The following PDE7B variants were observed in gnomAD, a reference collection of about 807,000 sequenced individuals.
PDE7B encodes the protein phosphodiesterase 7B.
In PDE7B, 29 loss-of-function variants were observed where a neutral mutation model predicts 56.2. The ratio of observed to expected loss-of-function variants is 0.52; its 90% confidence interval spans 0.38 to 0.70. PDE7B has a LOEUF of 0.70. PDE7B is among the 30% of genes least tolerant of loss of function. The pLI is 0.00. For synonymous variants in PDE7B, 197 were observed against 196.9 expected, an observed-to-expected ratio of 1.00 and a Z score of 0.00; for missense variants, 490 against 565.0, an observed-to-expected ratio of 0.87 and a Z score of 1.35.
chr6:136,063,879 C>G (rs1192452044), intron 2 of PDE7B, among the ~76,000 whole-genome samples: 1 of 152,186 alleles, frequency 6.6e-6, no homozygotes, highest in Non-Finnish European at 1.5e-5. Context: ...CACCTTCTAG[C>G]TTATGCTATA....
intron 2 of PDE7B, among the ~76,000 whole-genome samples, chr6:136,045,598 CA>C (rs1383370113): frequency 6.6e-6 from 1 of 152,082 alleles, no homozygotes; most frequent in Non-Finnish European, 1.5e-5. Context: ...GCCTTGTATG[CA>C]GTTGGAAGGC....
chr6:135,991,694 G>A (rs1469029084), intron 2 of PDE7B, among the ~76,000 whole-genome samples: 3 of 152,222 alleles, frequency 2.0e-5, no homozygotes, highest in Non-Finnish European at 2.9e-5. Flanking sequence ...TTTTAGTCAT[G>A]CATAAAAAAT....
intron 4 of PDE7B, 50 bp from the exon 5 acceptor site, chr6:136,149,037 G>A: frequency 2.4e-6 from 3 of 1,262,164 alleles, no homozygotes; most frequent in Non-Finnish European, 3.5e-6. Context: ...GTAAATGTTT[G>A]AGTCTCCAGT....
chr6:135,854,359 A>G (rs1774987537), intron 1 of PDE7B, among the ~76,000 whole-genome samples: 1 of 152,224 alleles, frequency 6.6e-6, no homozygotes, highest in African/African-American at 2.4e-5. Context: ...TGTAGAAGCT[A>G]AGAGGTAGTC....
chr6:135,900,169 A>T (rs1775974725), intron 1 of PDE7B, among the ~76,000 whole-genome samples: 1 of 151,784 alleles, frequency 6.6e-6, no homozygotes, highest in Non-Finnish European at 1.5e-5. Flanking sequence ...GTTAGCATGA[A>T]GTCTTCTCTT....
intron 2 of PDE7B, among the ~76,000 whole-genome samples, chr6:136,080,862 G>A (rs1353414093): frequency 6.6e-6 from 1 of 152,198 alleles, no homozygotes; most frequent in Non-Finnish European, 1.5e-5. Context: ...CTAGGATGGA[G>A]AGCTGCATGG....
At chr6:136,156,203 T>TGTGTG (rs1778602789) in intron 8 of PDE7B, 1 of 132,770 alleles carries the variant, frequency 7.5e-6, no homozygotes, top group African/African-American at 6.3e-5. Context: ...GTGTGTGTGT[T>TGTGTG]TTCAGAAACA....
intron 2 of PDE7B, among the ~76,000 whole-genome samples, chr6:135,950,794 C>A (rs1774686088): frequency 6.6e-6 from 1 of 152,154 alleles, no homozygotes; most frequent in African/African-American, 2.4e-5. Flanking sequence ...CTGAAAAGTA[C>A]TGTTTTTATG....
At chr6:136,144,773 A>G (rs1778387684) in intron 3 of PDE7B, among the ~76,000 whole-genome samples, 2 of 152,026 alleles carry the variant, frequency 1.3e-5, no homozygotes, top group Admixed American at 1.3e-4. Context: ...TCCTTCAACA[A>G]TTTTTTCTAA....
chr6:136,002,678 C>T (rs1212474429), intron 2 of PDE7B, among the ~76,000 whole-genome samples: 1 of 152,204 alleles, frequency 6.6e-6, no homozygotes, highest in African/African-American at 2.4e-5. Flanking sequence ...GCACCCAATA[C>T]AGGAGCACCC....
At chr6:135,988,376 A>G (rs749123827) in intron 2 of PDE7B, among the ~76,000 whole-genome samples, 12 of 152,198 alleles carry the variant, frequency 7.9e-5, no homozygotes, top group Non-Finnish European at 1.8e-4. Context: ...GCTCTTTAGC[A>G]CTGAGCTCAT....
chr6:135,952,830 T>C (rs777560816), intron 2 of PDE7B, among the ~76,000 whole-genome samples: 1 of 152,140 alleles, frequency 6.6e-6, no homozygotes, highest in Non-Finnish European at 1.5e-5. Flanking sequence ...ACTGTCATCA[T>C]TGGCCCTAAA....
At chr6:136,104,009 C>A (rs937856435) in intron 2 of PDE7B, among the ~76,000 whole-genome samples, 12 of 152,128 alleles carry the variant, frequency 7.9e-5, no homozygotes, top group African/African-American at 2.7e-4. Context: ...CCAGAGGCAG[C>A]GTGAGAGGCC....
intron 2 of PDE7B, among the ~76,000 whole-genome samples, chr6:136,003,177 G>A (rs1451723896): frequency 6.6e-6 from 1 of 152,030 alleles, no homozygotes; most frequent in East Asian, 1.9e-4. Context: ...CAACATACCA[G>A]AATCTCTGGG....
At chr6:136,150,566 T>C (rs1476881521) in intron 5 of PDE7B, among the ~76,000 whole-genome samples, 3 of 152,210 alleles carry the variant, frequency 2.0e-5, no homozygotes, top group Non-Finnish European at 2.9e-5. Context: ...ATTGGCCTCA[T>C]TGTCTGTGCT....
chr6:135,954,900 G>T (rs1583793060), intron 2 of PDE7B, among the ~76,000 whole-genome samples: 1 of 152,106 alleles, frequency 6.6e-6, no homozygotes, highest in Non-Finnish European at 1.5e-5. Context: ...CCTCATTTTT[G>T]AATGCAGCTG....
chr6:135,993,932 G>A (rs1775517240), intron 2 of PDE7B, among the ~76,000 whole-genome samples: 1 of 152,080 alleles, frequency 6.6e-6, no homozygotes, highest in African/African-American at 2.4e-5. Flanking sequence ...TAGGAGGAGA[G>A]GTATAATTAA....
chr6:135,864,333 T>C (rs1775210631), intron 1 of PDE7B, among the ~76,000 whole-genome samples: 1 of 152,124 alleles, frequency 6.6e-6, no homozygotes, highest in Non-Finnish European at 1.5e-5. Flanking sequence ...CAATTACACA[T>C]CTTCTTCATT....
Position 135,937,377 on chromosome 6 carries a change from A to AG in PDE7B, c.22-10086dup, listed in dbSNP as rs1370735361. ...TGATCTGGCCCCTGCCAACTTCCCC[A>AG]GCCTTGCGTCTCTCCACTCTCCAGT... On this transcript the variant is annotated intron_variant, in intron 1 of 12. Transcript: ENST00000308191. Among the ~76,000 whole-genome samples the AG allele has an allele frequency of 6.6e-5, 10 of 152,248 alleles. No individual in the cohort carries two copies. The East Asian group carries it at 1.7e-3, about 27-fold the overall frequency.
Sources: gnomAD v4.1 joint callset for allele counts (sites outside exome capture counted in the v4.1 genomes callset) on GRCh38, gnomAD v4.1.1 for gene constraint, MANE v1.5 for transcripts, NCBI Gene and HGNC (gene_info 2026-07-23, HGNC 2026-07-21) for gene names.